The following PIK3C3 variants were observed in gnomAD, a reference collection of about 807,000 sequenced individuals.
The protein encoded by PIK3C3 is phosphatidylinositol 3-kinase catalytic subunit type 3, also known as PI3-kinase type 3.
In PIK3C3, 95 loss-of-function variants were observed where a neutral mutation model predicts 126.1. The ratio of observed to expected loss-of-function variants is 0.75; its 90% CI spans 0.64 to 0.89. PIK3C3 has a LOEUF of 0.89. PIK3C3 is among the 40% of genes least tolerant of loss of function. The pLI is 0.00. For synonymous variants in PIK3C3, 374 were observed against 360.0 expected, an observed-to-expected ratio of 1.04 and a Z score of -0.44; for missense variants, 829 against 1,063.2, an observed-to-expected ratio of 0.78 and a Z score of 3.06.
chr18:42,068,639 G>T (rs1327575342), intron 24 of PIK3C3, among the ~76,000 whole-genome samples: 1 of 151,660 alleles, frequency 6.6e-6, no homozygotes, highest in Non-Finnish European at 1.5e-5. Flanking sequence ...CTGATGTTTT[G>T]CTTTTTATTA....
intron 24 of PIK3C3, among the ~76,000 whole-genome samples, chr18:42,076,566 A>T (rs367947523): frequency 1.3e-5 from 2 of 152,190 alleles, no homozygotes; most frequent in East Asian, 1.9e-4. Context: ...TGCAGTCAGC[A>T]TTGCTGCACA....
At chr18:41,957,917 G>A (rs1249865181) in intron 2 of PIK3C3, among the ~76,000 whole-genome samples, 159 bp downstream of exon 2, 2 of 152,196 alleles carry the variant, frequency 1.3e-5, no homozygotes, top group Non-Finnish European at 2.9e-5. Context: ...AAAGTATTAT[G>A]CATGTCAGTA....
intron 16 of PIK3C3, among the ~76,000 whole-genome samples, chr18:42,034,839 T>C (rs1222897229): frequency 6.6e-6 from 1 of 152,220 alleles, no homozygotes; most frequent in Non-Finnish European, 1.5e-5. Flanking sequence ...ACAACTAATG[T>C]ATATACACGG....
intron 10 of PIK3C3, among the ~76,000 whole-genome samples, chr18:42,007,822 A>G (rs1340598434): frequency 2.0e-5 from 3 of 152,206 alleles, no homozygotes; most frequent in Non-Finnish European, 4.4e-5. Context: ...AGCTGCAAGT[A>G]ATAATGGTGA....
At chr18:41,995,756 G>C (rs769119377) in intron 7 of PIK3C3, 134 bp from the exon 8 acceptor site, 52 of 650,516 alleles carry the variant, frequency 8.0e-5, no homozygotes, top group Non-Finnish European at 1.2e-4. Context: ...ATATGTAGAA[G>C]ACTGCTAAAG....
intron 4 of PIK3C3, among the ~76,000 whole-genome samples, chr18:41,973,786 G>C (rs1037632312): frequency 6.6e-6 from 1 of 151,956 alleles, no homozygotes; most frequent in Admixed American, 6.6e-5. Flanking sequence ...CATACAGAAG[G>C]AACAGAGATG....
chr18:41,975,692 C>T (rs866188604), intron 4 of PIK3C3, among the ~76,000 whole-genome samples: 5 of 140,894 alleles, frequency 3.5e-5, no homozygotes, highest in South Asian at 2.2e-4. Context: ...AAATCTAAAA[C>T]GGACTGTTTT....
At chr18:41,958,458 G>T (rs904797098) in intron 2 of PIK3C3, among the ~76,000 whole-genome samples, 23 of 152,176 alleles carry the variant, frequency 1.5e-4, no homozygotes, top group Admixed American at 1.2e-3. Context: ...GTTCATGGAA[G>T]ACAGGATGTG....
intron 21 of PIK3C3, among the ~76,000 whole-genome samples, chr18:42,052,062 CAAGTTCT>C (rs1423531800): frequency 6.6e-6 from 1 of 151,990 alleles, no homozygotes; most frequent in African/African-American, 2.4e-5. Context: ...TTTATATTCA[CAAGTTCT>C]ACTTGATTCT....
At chr18:41,971,709 T>C (rs4890377) in intron 4 of PIK3C3, among the ~76,000 whole-genome samples, 33,925 of 151,816 alleles carry the variant, frequency 0.22, 4,271 homozygotes, top group South Asian at 0.4. Context: ...AATCAATTCA[T>C]TTATAGCCTG....
intron 24 of PIK3C3, among the ~76,000 whole-genome samples, chr18:42,071,852 T>C (rs2144527130): frequency 6.6e-6 from 1 of 152,334 alleles, no homozygotes; most frequent in South Asian, 2.1e-4. Context: ...ATGTTTGTGA[T>C]ATTTCTTAGA....
chr18:42,003,834 C>A (rs747470493), intron 9 of PIK3C3, among the ~76,000 whole-genome samples: 1 of 152,126 alleles, frequency 6.6e-6, no homozygotes, highest in East Asian at 1.9e-4. Context: ...CACAGAGATA[C>A]GTACATACTC....
intron 22 of PIK3C3, among the ~76,000 whole-genome samples, chr18:42,060,478 A>G (rs975473463): frequency 6.6e-6 from 1 of 152,192 alleles, no homozygotes; most frequent in Admixed American, 6.5e-5. Context: ...GAAATAAGGA[A>G]TACATTTACC....
At chr18:42,061,239 C>T (rs1186620943) in intron 22 of PIK3C3, among the ~76,000 whole-genome samples, 2 of 152,082 alleles carry the variant, frequency 1.3e-5, no homozygotes, top group African/African-American at 4.8e-5. Context: ...CACGCTTTCC[C>T]ACCCTATTAT....
intron 15 of PIK3C3, 85 bp downstream of exon 15, chr18:42,029,526 A>C: frequency 2.3e-6 from 1 of 438,640 alleles, no homozygotes; most frequent in East Asian, 4.7e-5. Flanking sequence ...TTTTGGGTTG[A>C]TACGTGAATT....
At chr18:42,026,610 A>G (rs1983582397) in intron 13 of PIK3C3, 1 of 152,044 alleles carries the variant, frequency 6.6e-6, no homozygotes, top group Non-Finnish European at 1.5e-5. Context: ...CGGCGACACC[A>G]CACTTGGCTT....
At chr18:42,013,419 C>G (rs948510921) in intron 10 of PIK3C3, 23 bp from the exon 11 acceptor site, 2 of 1,393,876 alleles carry the variant, frequency 1.4e-6, no homozygotes, top group African/African-American at 3.0e-5. Flanking sequence ...CCTAATATTA[C>G]TTTACTTTTT....
intron 4 of PIK3C3, among the ~76,000 whole-genome samples, chr18:41,973,943 T>C (rs1980790430): frequency 6.6e-6 from 1 of 152,180 alleles, no homozygotes; most frequent in African/African-American, 2.4e-5. Flanking sequence ...TATGATTGTT[T>C]CTAATTTTTG....
At chr18:41,994,312 G>A (rs1225147309) in intron 7 of PIK3C3, among the ~76,000 whole-genome samples, 1 of 152,090 alleles carries the variant, frequency 6.6e-6, no homozygotes, top group Non-Finnish European at 1.5e-5. Flanking sequence ...TCCCAAATTG[G>A]CACTGAATTT....
Sources: gnomAD v4.1 joint callset for allele counts (sites outside exome capture counted in the v4.1 genomes callset) on GRCh38, gnomAD v4.1.1 for gene constraint, MANE v1.5 for transcripts, NCBI Gene and HGNC (gene_info 2026-07-23, HGNC 2026-07-21) for gene names.